ADK: variants seen among roughly 807,000 people sequenced by gnomAD.
ADK encodes the protein adenosine kinase.
In ADK, 24 loss-of-function variants were observed where a neutral mutation model predicts 44.7. The ratio of observed to expected loss-of-function variants is 0.54; its 90% CI spans 0.39 to 0.76. The LOEUF is 0.76. Ranked by LOEUF, ADK falls within the 30% of genes least tolerant of loss-of-function variation. ADK has a pLI of 0.00. For synonymous variants in ADK, 128 were observed against 142.6 expected (o/e 0.90, Z 0.73); for missense variants, 321 against 425.1 (o/e 0.76, Z 2.15).
intron 10 of ADK, among the ~76,000 whole-genome samples, chr10:74,671,123 T>C (rs1357753061): frequency 1.3e-5 from 2 of 150,618 alleles, no homozygotes; most frequent in Admixed American, 1.3e-4. Flanking sequence ...GGGAAACTTA[T>C]TTAAGTTTGT....
chr10:74,397,836 A>G (rs573487897), intron 5 of ADK, among the ~76,000 whole-genome samples: 1 of 152,292 alleles, frequency 6.6e-6, no homozygotes, highest in South Asian at 2.1e-4. Flanking sequence ...TACTGCACCC[A>G]ACCTGCAGCA....
chr10:74,576,267 C>G (rs919546559), intron 7 of ADK, among the ~76,000 whole-genome samples: 2 of 151,922 alleles, frequency 1.3e-5, no homozygotes, highest in Non-Finnish European at 2.9e-5. Flanking sequence ...TCTAAAATAT[C>G]GATGAAGTCT....
chr10:74,396,300 G>A (rs917326626), intron 5 of ADK, among the ~76,000 whole-genome samples: 8 of 152,098 alleles, frequency 5.3e-5, no homozygotes, highest in Non-Finnish European at 1.0e-4. Flanking sequence ...TTAGGAGACC[G>A]AAGTAGGCTG....
intron 9 of ADK, chr10:74,655,798 T>G: frequency 2.0e-6 from 1 of 501,838 alleles, no homozygotes; most frequent in South Asian, 1.8e-5. Flanking sequence ...ATCAAGCCCA[T>G]CAAGGCAGAG....
intron 1 of ADK, among the ~76,000 whole-genome samples, chr10:74,186,493 G>A (rs1389743668): frequency 6.6e-6 from 1 of 151,534 alleles, no homozygotes; most frequent in African/African-American, 2.4e-5. Flanking sequence ...GGGTGGGGGT[G>A]GGGTCTTGCT....
At chr10:74,472,415 A>T (rs1260250868) in intron 6 of ADK, among the ~76,000 whole-genome samples, 1 of 151,954 alleles carries the variant, frequency 6.6e-6, no homozygotes, top group Non-Finnish European at 1.5e-5. Flanking sequence ...TAGAGATGTC[A>T]TCTAGTTGTG....
chr10:74,160,725 G>GTGTA (rs1554824343), intron 1 of ADK, among the ~76,000 whole-genome samples: 738 of 150,930 alleles, frequency 4.9e-3, no homozygotes, highest in Admixed American at 7.0e-3. Flanking sequence ...GTGTATGTGT[G>GTGTA]TGTGTAGGTA....
chr10:74,246,125 G>A (rs923056936), intron 3 of ADK, among the ~76,000 whole-genome samples: 4 of 151,992 alleles, frequency 2.6e-5, no homozygotes, highest in African/African-American at 4.8e-5. Context: ...TGGGAGGGGG[G>A]GGTCAGGGGT....
Position 74,602,172 on chromosome 10 carries a change from G to A in ADK, c.877+1679G>A, listed in dbSNP as rs1399643938. ...GTCAAAGAGGATCAAGTAAGCAAAGGCACAAGTACTAGCAATCTTTTATTG... is the reference window on the plus strand; with the variant it reads ...GTCAAAGAGGATCAAGTAAGCAAAGACACAAGTACTAGCAATCTTTTATTG... On this transcript the variant is annotated intron_variant, in intron 9 of 10. Coordinates refer to ENST00000539909, the MANE Select transcript of ADK (RefSeq NM_006721.4). 4.0e-5 allele frequency among the ~76,000 whole-genome samples: 6 copies of A among 149,544 alleles called. No individual in the cohort carries two copies. In the East Asian group the frequency reaches 1.2e-3, roughly 29 times the overall value.
rs149407457 is a variant in ADK at position 74,359,534 on chromosome 10, C to T, written c.274-34607C>T. Among the ~76,000 whole-genome samples the T allele has an allele frequency of 7.2e-5, 11 of 152,018 alleles. No individual in the cohort carries two copies. The East Asian group carries it at 1.7e-3, about 24-fold the overall frequency. Reference sequence around the variant, plus strand: ...ACCAGCCTAGGCAACATGGCGTGACCGTCCCTACAAAAAAATATTTTTTTA... The same window carrying T: ...ACCAGCCTAGGCAACATGGCGTGACTGTCCCTACAAAAAAATATTTTTTTA... On this transcript the variant is annotated intron_variant, in intron 4 of 10. Transcript: ENST00000539909.
Position 74,356,007 on chromosome 10 carries a change from T to G in ADK, c.274-38134T>G, listed in dbSNP as rs11001009. On this transcript the variant is annotated intron_variant, in intron 4 of 10. Transcript: ENST00000539909. ...AATATTTCACTAAATAATTCATTTTTTTTTTTTTTTTTTTTTTTTTTTGAG... is the reference window on the plus strand; with the variant it reads ...AATATTTCACTAAATAATTCATTTTGTTTTTTTTTTTTTTTTTTTTTTGAG... Among the ~76,000 whole-genome samples, 297 of 32,012 alleles carry G rather than the reference T, an allele frequency of 9.3e-3. 15 individuals are homozygous for G. The highest frequency in any genetic ancestry group is 0.023 in the Middle Eastern group (1 of 44). 21.0% of individuals were successfully genotyped at this position (32,012 alleles called of 152,430 possible). A position where few individuals can be genotyped will look rare whatever the true frequency, so the allele number is the denominator to read the frequency against.
chr10:74,456,549 C>G (rs1185605120), intron 6 of ADK, among the ~76,000 whole-genome samples: 2 of 151,438 alleles, frequency 1.3e-5, no homozygotes, highest in Non-Finnish European at 2.9e-5. Flanking sequence ...TGCCTGTAGT[C>G]CCAGCTACTC....
Position 74,564,234 on chromosome 10 carries a change from A to T in ADK, c.727-25048A>T, listed in dbSNP as rs181004924. Among the ~76,000 whole-genome samples the T allele has an allele frequency of 2.1e-3, 325 of 152,322 alleles. 1 individual carries two copies. Among genetic ancestry groups the T allele is most frequent in the Middle Eastern group, 0.02 (6 of 294 alleles). On this transcript the variant is annotated intron_variant, in intron 7 of 10. Coordinates refer to ENST00000539909, the MANE Select transcript of ADK (RefSeq NM_006721.4). ...GCTGAGAGTAAAGAGCCAGAATCTC[A>T]GAAATCCCCCAGAAAGACGATTTAA...
chr10:74,518,036 A>G (rs1427709153), intron 6 of ADK, among the ~76,000 whole-genome samples: 1 of 152,246 alleles, frequency 6.6e-6, no homozygotes, highest in Non-Finnish European at 1.5e-5. Flanking sequence ...CTCTGAGAAC[A>G]AAATGTATTT....
chr10:74,315,420 A>C (rs1840585247), intron 4 of ADK, among the ~76,000 whole-genome samples: 1 of 152,146 alleles, frequency 6.6e-6, no homozygotes, highest in Non-Finnish European at 1.5e-5. Flanking sequence ...TCCAATGAGT[A>C]ATTGAATAAA....
chr10:74,307,339 T>C (rs1353799729), intron 3 of ADK, among the ~76,000 whole-genome samples: 2 of 152,218 alleles, frequency 1.3e-5, no homozygotes, highest in Non-Finnish European at 2.9e-5. Flanking sequence ...TGTTTTAGGT[T>C]TGGGAAATGT....
chr10:74,247,295 G>A (rs1005350520), intron 3 of ADK, among the ~76,000 whole-genome samples: 2 of 143,390 alleles, frequency 1.4e-5, no homozygotes, highest in Non-Finnish European at 3.0e-5. Flanking sequence ...CTGGAGTGCA[G>A]TGGTGCAGTC....
At position 74,420,174 on chromosome 10, in the gene ADK, A is replaced by G. The variant is rs143809759; in HGVS notation, c.555+21595A>G. On this transcript the variant is annotated intron_variant, in intron 6 of 10. Coordinates refer to ENST00000539909, the MANE Select transcript of ADK (RefSeq NM_006721.4). Reference sequence around the variant, plus strand: ...CGCCTTTTGGGACATGATTCTCACAACCTGTAATATGTGATACCTGTAGAC... The same window carrying G: ...CGCCTTTTGGGACATGATTCTCACAGCCTGTAATATGTGATACCTGTAGAC... Among the ~76,000 whole-genome samples the G allele has an allele frequency of 5.9e-5, 9 of 152,246 alleles. No homozygotes were observed. In the East Asian group the frequency reaches 1.7e-3, roughly 29 times the overall value.
intron 3 of ADK, among the ~76,000 whole-genome samples, chr10:74,258,774 T>A (rs888645004): frequency 1.3e-5 from 2 of 152,176 alleles, no homozygotes; most frequent in African/African-American, 4.8e-5. Context: ...AAGCTGTGAT[T>A]ATATAATATC....
Sources: gnomAD v4.1 joint callset for allele counts (sites outside exome capture counted in the v4.1 genomes callset) on GRCh38, gnomAD v4.1.1 for gene constraint, MANE v1.5 for transcripts, NCBI Gene and HGNC (gene_info 2026-07-23, HGNC 2026-07-21) for gene names.